NFAT5: variants seen among roughly 807,000 people sequenced by gnomAD.
The protein encoded by NFAT5 is nuclear factor of activated T-cells 5.
NFAT5 carries 31 observed loss-of-function variants against 166.5 expected under a neutral mutation model. The ratio of observed to expected loss-of-function variants is 0.19; its 90% CI spans 0.14 to 0.25. The LOEUF (loss-of-function observed/expected upper bound fraction) is 0.25, where lower values mean the gene tolerates loss of function less well. NFAT5 is among the 10% of genes least tolerant of loss of function. The pLI is 1.00. For missense variants in NFAT5, 1,449 were observed against 1,821.8 expected, an observed-to-expected ratio of 0.80 and a Z score of 3.72; for synonymous variants, 612 against 639.7, an observed-to-expected ratio of 0.96 and a Z score of 0.65.
chr16:69,684,658 A>G (rs1191992045), intron 10 of NFAT5, among the ~76,000 whole-genome samples: 2 of 152,082 alleles, frequency 1.3e-5, no homozygotes, highest in Non-Finnish European at 2.9e-5. Flanking sequence ...CTGGGATTAC[A>G]GACGTGAGCC....
intron 2 of NFAT5, among the ~76,000 whole-genome samples, chr16:69,599,020 C>CAAA (rs1216510761): frequency 1.9e-5 from 1 of 52,624 alleles, no homozygotes; most frequent in Non-Finnish European, 3.9e-5. Flanking sequence ...GACTCTGTCT[C>CAAA]AAAAAAAAAA....
chr16:69,691,532 A>G (rs1312294452), intron 12 of NFAT5, among the ~76,000 whole-genome samples: 1 of 152,158 alleles, frequency 6.6e-6, no homozygotes, highest in Non-Finnish European at 1.5e-5. Flanking sequence ...TTGTTTGACT[A>G]TCTTTGCTTG....
chr16:69,578,286 A>G (rs1254647057), intron 2 of NFAT5, among the ~76,000 whole-genome samples: 1 of 152,240 alleles, frequency 6.6e-6, no homozygotes, highest in Non-Finnish European at 1.5e-5. Context: ...TCTATAGTTA[A>G]GCATAAAGGT....
At chr16:69,683,481 T>G (rs952997068) in intron 10 of NFAT5, among the ~76,000 whole-genome samples, 2 of 149,946 alleles carry the variant, frequency 1.3e-5, no homozygotes, top group African/African-American at 4.9e-5. Flanking sequence ...CAGTGAGCCG[T>G]TATCACGCCA....
chr16:69,597,738 C>A (rs1045922673), intron 2 of NFAT5, among the ~76,000 whole-genome samples: 1 of 151,880 alleles, frequency 6.6e-6, no homozygotes, highest in African/African-American at 2.4e-5. Context: ...ACTACAGGCG[C>A]CCACCACCGC....
intron 3 of NFAT5, among the ~76,000 whole-genome samples, chr16:69,631,181 C>G (rs191920934): frequency 6.6e-6 from 1 of 152,216 alleles, no homozygotes; most frequent in East Asian, 1.9e-4. Flanking sequence ...GCCTGTAATC[C>G]CAGCACTTTG....
intron 3 of NFAT5, among the ~76,000 whole-genome samples, chr16:69,638,275 C>G (rs765010770): frequency 3.9e-5 from 6 of 152,038 alleles, no homozygotes; most frequent in Non-Finnish European, 8.8e-5. Context: ...TCTGGTAGAG[C>G]AATTTATGAC....
Position 69,693,116 on chromosome 16 carries a change from C to G in NFAT5, c.3291C>G (p.Ala1097=). The G allele has an allele frequency of 6.2e-7, 1 of 1,614,106 alleles. No individual in the cohort carries two copies. The highest frequency in any genetic ancestry group is 8.5e-7 in the Non-Finnish European group (1 of 1,180,020). Residue 1097 remains alanine (A), a synonymous_variant, in exon 13 of 15, where the codon GCC becomes GCG. Coordinates refer to ENST00000349945, the MANE Select transcript of NFAT5 (RefSeq NM_138713.4). ...TTTTTCATCCTCAAAATCCTATTGC[C>G]GATGCTCAGAACCTTTCCCAGGAAA... ...AQLFHPQNPI[A]DAQNLSQETQ... is the part of the protein sequence containing the mutation.
chr16:69,630,280 G>T (rs1463554920), intron 3 of NFAT5, among the ~76,000 whole-genome samples: 1 of 152,002 alleles, frequency 6.6e-6, no homozygotes, highest in East Asian at 1.9e-4. Flanking sequence ...GATCCTCGAG[G>T]CTTGGCCTCC....
chr16:69,676,400 G>A (rs910354358), intron 9 of NFAT5, among the ~76,000 whole-genome samples: 1 of 152,144 alleles, frequency 6.6e-6, no homozygotes, highest in Admixed American at 6.5e-5. Flanking sequence ...AACCCAATTT[G>A]ACTTAAAATG....
chr16:69,678,896 A>G (rs2036941433), intron 10 of NFAT5, among the ~76,000 whole-genome samples: 1 of 152,176 alleles, frequency 6.6e-6, no homozygotes, highest in Non-Finnish European at 1.5e-5. Context: ...ATTTAAGTTA[A>G]TTGCTTTCTG....
Position 69,657,177 on chromosome 16 carries a change from C to G in NFAT5, c.1196+1378C>G, listed in dbSNP as rs896283775. On this transcript the variant is annotated intron_variant, in intron 6 of 14. Coordinates refer to ENST00000349945, the MANE Select transcript of NFAT5 (RefSeq NM_138713.4). ...AGGGAGTCTTGCTTTGTTGCCCAAG[C>G]TGCAGTGGAGTGGCACGATCTCGGC... 5.3e-5 allele frequency among the ~76,000 whole-genome samples: 8 copies of G among 151,742 alleles called. No individual in the cohort carries two copies. In the East Asian group the frequency reaches 1.2e-3, roughly 22 times the overall value.
chr16:69,615,045 T>A lies in NFAT5; in HGVS notation c.128-11358T>A, dbSNP rs532148964. On this transcript the variant is annotated intron_variant, in intron 2 of 14. Transcript: ENST00000349945. Reference sequence around the variant, plus strand: ...GCACCCACCACCACTCCCAGCTAAATTTTTTTTTTTTTTTTTGAGATGGAG... The same window carrying A: ...GCACCCACCACCACTCCCAGCTAAAATTTTTTTTTTTTTTTTGAGATGGAG... Among the ~76,000 whole-genome samples the A allele has an allele frequency of 3.6e-5, 5 of 137,104 alleles. No homozygotes were observed. The East Asian group carries it at 1.0e-3, about 28-fold the overall frequency. The allele number at this position is 137,104 out of a possible 152,430, so 89.9% of individuals were successfully genotyped here.
chr16:69,639,371 TTA>T (rs1182717162), intron 3 of NFAT5, among the ~76,000 whole-genome samples: 5 of 152,158 alleles, frequency 3.3e-5, no homozygotes, highest in Admixed American at 2.0e-4. Flanking sequence ...TTAGTAAATA[TTA>T]TATGAGTGTA....
intron 4 of NFAT5, chr16:69,648,438 TAC>T (rs1191240700): frequency 1.0e-6 from 1 of 983,758 alleles, no homozygotes; most frequent in East Asian, 1.1e-4. Context: ...ACATTGATTG[TAC>T]AGAGTCGATA....
At chr16:69,597,187 G>C (rs1479083231) in intron 2 of NFAT5, among the ~76,000 whole-genome samples, 2 of 152,186 alleles carry the variant, frequency 1.3e-5, no homozygotes, top group Non-Finnish European at 2.9e-5. Flanking sequence ...TATAGAGCTA[G>C]AGAAGAGGGA....
At chr16:69,590,786 G>A (rs62052828) in intron 2 of NFAT5, among the ~76,000 whole-genome samples, 4,134 of 152,226 alleles carry the variant, frequency 0.027, 89 homozygotes, top group Non-Finnish European at 0.043. Context: ...GGGATTCCCC[G>A]CCCCATCTGG....
At chr16:69,616,268 C>A (rs550566564) in intron 2 of NFAT5, among the ~76,000 whole-genome samples, 1 of 152,042 alleles carries the variant, frequency 6.6e-6, no homozygotes, top group South Asian at 2.1e-4. Context: ...TGGGCTCCCC[C>A]TCTCTTGCCC....
At chr16:69,670,315 T>A in intron 9 of NFAT5, 27 bp downstream of exon 9, 1 of 1,452,116 alleles carries the variant, frequency 6.9e-7, no homozygotes, top group Non-Finnish European at 9.5e-7. Flanking sequence ...TTTTATAATT[T>A]GGTTATTTAC....
Sources: gnomAD v4.1 joint callset for allele counts (sites outside exome capture counted in the v4.1 genomes callset) on GRCh38, gnomAD v4.1.1 for gene constraint, MANE v1.5 for transcripts, NCBI Gene and HGNC (gene_info 2026-07-23, HGNC 2026-07-21) for gene names.